DGKZ: variants seen among roughly 807,000 people sequenced by gnomAD.
The protein encoded by DGKZ is diacylglycerol kinase zeta.
A neutral mutation model predicts 142.5 loss-of-function variants in DGKZ; 45 were observed. The observed-to-expected ratio is 0.32, with a 90% CI of 0.25 to 0.40. The LOEUF is 0.40. Among genes scored for constraint, DGKZ ranks in the 10% least tolerant of loss-of-function variants. DGKZ has a pLI of 1.00. For missense variants in DGKZ, 755 were observed against 1,306.5 expected (o/e 0.58, Z 6.51); for synonymous variants, 442 against 527.0 (o/e 0.84, Z 2.21).
exon 18 of DGKZ, chr11:46,374,788 C>T: frequency 6.2e-7 from 1 of 1,611,022 alleles, no homozygotes; most frequent in Non-Finnish European, 8.5e-7. Context: ...GACTTGACTC[C>T]CAAGATCCAG....
chr11:46,356,607 A>G (rs1404570706), intron 1 of DGKZ, among the ~76,000 whole-genome samples: 1 of 152,072 alleles, frequency 6.6e-6, no homozygotes, highest in African/African-American at 2.4e-5. Flanking sequence ...TAGGGAGACC[A>G]CCGGATGCCA....
intron 1 of DGKZ, chr11:46,333,500 T>A: frequency 1.3e-6 from 2 of 1,542,186 alleles, no homozygotes; most frequent in Non-Finnish European, 1.7e-6. Flanking sequence ...AAGGAGGACG[T>A]GGGCAGAGGG....
intron 1 of DGKZ, among the ~76,000 whole-genome samples, chr11:46,362,182 TG>T (rs1942733470): frequency 6.6e-6 from 1 of 151,764 alleles, no homozygotes; most frequent in South Asian, 2.1e-4. Context: ...CTGCTGGAGG[TG>T]GGGTCGCCAT....
chr11:46,366,575 C>A (rs913760692), intron 1 of DGKZ: 4 of 1,606,276 alleles, frequency 2.5e-6, no homozygotes, highest in Non-Finnish European at 3.4e-6. Context: ...TCTGGGTGCA[C>A]CCCTGCTGTT....
rs1943967161 is a variant in DGKZ at position 46,371,685 on chromosome 11, AC to A, written c.760-15del. 6.2e-7 allele frequency: 1 copy of A among 1,613,790 alleles called. No homozygotes were observed. Among genetic ancestry groups the A allele is most frequent in the South Asian group, 1.1e-5 (1 of 91,062 alleles). ...CCAGCCTGCCCACCTCGTCACCAAC[AC>A]CCCTGCTTCCCTTGCAGAATACTCT... On this transcript the variant is annotated intron_variant, in intron 8 of 30. Transcript: ENST00000527911.
chr11:46,369,458 T>G, intron 4 of DGKZ, 36 bp from the exon 5 acceptor site: 1 of 1,613,582 alleles, frequency 6.2e-7, no homozygotes, highest in Non-Finnish European at 8.5e-7. Context: ...CGAAGGGAGG[T>G]TCTGACATTT....
intron 1 of DGKZ, among the ~76,000 whole-genome samples, chr11:46,340,361 G>T (rs554915973): frequency 3.5e-4 from 53 of 152,316 alleles, no homozygotes; most frequent in African/African-American, 1.2e-3. Flanking sequence ...TGACCGTGTC[G>T]TGGGGGCTTG....
chr11:46,346,351 G>A (rs1173271296), upstream of DGKZ, among the ~76,000 whole-genome samples: 1 of 152,152 alleles, frequency 6.6e-6, no homozygotes, highest in Non-Finnish European at 1.5e-5. Context: ...TAGGGTTTGG[G>A]GAGGTGGAAG....
At chr11:46,373,134 AGGTGACTG>A in intron 14 of DGKZ, 33 bp downstream of exon 14, 1 of 1,520,990 alleles carries the variant, frequency 6.6e-7, no homozygotes, top group Non-Finnish European at 8.8e-7. Context: ...GGGGCAGGGC[AGGTGACTG>A]GGGACTGGAT....
chr11:46,333,896 G>T (rs1235325500), intron 1 of DGKZ, among the ~76,000 whole-genome samples: 4 of 152,174 alleles, frequency 2.6e-5, no homozygotes, highest in Non-Finnish European at 5.9e-5. Context: ...CCAGGCACAG[G>T]CTTGTGGAAA....
At chr11:46,358,625 G>C (rs370781810) in intron 1 of DGKZ, among the ~76,000 whole-genome samples, 5 of 152,136 alleles carry the variant, frequency 3.3e-5, no homozygotes, top group African/African-American at 1.2e-4. Flanking sequence ...TTGAGCCCAC[G>C]GGTTAAAGAC....
intron 1 of DGKZ, chr11:46,361,947 C>G (rs1364722218): frequency 6.6e-6 from 1 of 152,500 alleles, no homozygotes; most frequent in Non-Finnish European, 1.5e-5. Flanking sequence ...TCCAGCCTGG[C>G]CCACCTGCTC....
chr11:46,350,389 C>T (rs1278981080), intron 1 of DGKZ, among the ~76,000 whole-genome samples: 9 of 152,004 alleles, frequency 5.9e-5, no homozygotes, highest in Admixed American at 5.9e-4. Context: ...AGGTAAAAGT[C>T]CTCGAAGCCC....
intron 1 of DGKZ, chr11:46,366,340 G>A: frequency 6.4e-7 from 1 of 1,556,440 alleles, no homozygotes; most frequent in Non-Finnish European, 8.6e-7. Flanking sequence ...GCGTGGGGCT[G>A]CCCACAGGCA....
chr11:46,367,546 G>T lies in DGKZ; in HGVS notation c.271-106G>T. The T allele has an allele frequency of 2.3e-6, 3 of 1,276,684 alleles. No individual in the cohort carries two copies. In the South Asian group the frequency reaches 4.3e-5, roughly 18 times the overall value. The allele number at this position is 1,276,684 out of a possible 1,614,324, so 79.1% of individuals were successfully genotyped here. A position where few individuals can be genotyped will look rare whatever the true frequency, so the allele number is the denominator to read the frequency against. On this transcript the variant is annotated intron_variant, in intron 2 of 30. Coordinates refer to ENST00000527911, the Ensembl canonical transcript of DGKZ. This position sits in a 1 kb window ranked among gnomAD's most constrained non-coding sequence, Gnocchi z 4.1. Reference sequence around the variant, plus strand: ...CAGACGGAACAGAGCAGGGTCGATCGGGGCGCTGGAGTGGGTTTGTCTTGG... The same window carrying T: ...CAGACGGAACAGAGCAGGGTCGATCTGGGCGCTGGAGTGGGTTTGTCTTGG...
chr11:46,352,585 C>G (rs979262366), intron 1 of DGKZ, among the ~76,000 whole-genome samples: 4 of 152,238 alleles, frequency 2.6e-5, no homozygotes, highest in Non-Finnish European at 5.9e-5. Context: ...GCTGGGCTTC[C>G]AGGGCCATGT....
upstream of DGKZ, chr11:46,345,406 C>T: frequency 2.1e-6 from 3 of 1,428,498 alleles, no homozygotes; most frequent in Non-Finnish European, 2.7e-6. This position sits in a 1 kb window ranked among gnomAD's most constrained non-coding sequence, Gnocchi z 4.1. Flanking sequence ...AGTCGCCGGG[C>T]AGGATGAGCG....
chr11:46,364,512 G>A, intron 1 of DGKZ: 2 of 1,216,616 alleles, frequency 1.6e-6, no homozygotes, highest in African/African-American at 3.1e-5. Flanking sequence ...TAAGAGCACT[G>A]CCCTGACCTC....
Position 46,367,228 on chromosome 11 carries a change from A to T in DGKZ, c.162-63A>T, listed in dbSNP as rs540001506. 1 of 1,445,446 alleles carries T rather than the reference A, an allele frequency of 6.9e-7. No homozygotes were observed. The highest frequency in any genetic ancestry group is 2.4e-5 in the East Asian group (1 of 40,926). 89.5% of individuals were successfully genotyped at this position (1,445,446 alleles called of 1,614,324 possible). On this transcript the variant is annotated intron_variant, in intron 1 of 30. Coordinates refer to ENST00000527911, the Ensembl canonical transcript of DGKZ. This position sits in a 1 kb window ranked among gnomAD's most constrained non-coding sequence, Gnocchi z 4.1. Reference sequence around the variant, plus strand: ...TCACGGAAAGGGCAGAGGCCCCAGGAGGTGGGAGGAAGTAGGGTCAGCAAG... The same window carrying T: ...TCACGGAAAGGGCAGAGGCCCCAGGTGGTGGGAGGAAGTAGGGTCAGCAAG...
Sources: gnomAD v4.1 joint callset for allele counts (sites outside exome capture counted in the v4.1 genomes callset) on GRCh38, gnomAD v4.1.1 for gene constraint, Gnocchi (gnomAD v3.1) non-coding constraint, MANE v1.5 for transcripts, NCBI Gene and HGNC (gene_info 2026-07-23, HGNC 2026-07-21) for gene names.